PRMT8: variants seen among roughly 807,000 people sequenced by gnomAD.
PRMT8 encodes protein arginine methyltransferase 8, also known as protein arginine N-methyltransferase 8.
Under a neutral mutation model 47.1 loss-of-function variants are expected in PRMT8, and 7 were observed. The observed-to-expected ratio is 0.15, with a 90% CI of 0.08 to 0.28. The LOEUF (loss-of-function observed/expected upper bound fraction) is 0.28, where lower values mean the gene tolerates loss of function less well. Ranked by LOEUF, PRMT8 falls within the 10% of genes least tolerant of loss-of-function variation. The pLI, the probability that PRMT8 is intolerant of heterozygous loss-of-function variation, is 1.00. For missense variants in PRMT8, 237 were observed against 505.4 expected, an observed-to-expected ratio of 0.47 and a Z score of 5.09; for synonymous variants, 188 against 186.5, an observed-to-expected ratio of 1.01 and a Z score of -0.07.
At chr12:3,505,713 C>T (rs561218491) in intron 1 of PRMT8, among the ~76,000 whole-genome samples, 13 of 152,340 alleles carry the variant, frequency 8.5e-5, no homozygotes, top group African/African-American at 3.1e-4. Flanking sequence ...GGAATGCTCT[C>T]TGCTGTTGAC....
chr12:3,483,850 GCTGACTTACAGCCCAGTAGC>G (rs1462706108), intron 1 of PRMT8, among the ~76,000 whole-genome samples: 2 of 152,136 alleles, frequency 1.3e-5, no homozygotes, highest in Non-Finnish European at 2.9e-5. Flanking sequence ...ATGGGGTTAT[GCTGACTTACAGCCCAGTAGC>G]CTGTATTGCT....
chr12:3,388,068 CCTGT>C (rs578128274), intron 1 of PRMT8, among the ~76,000 whole-genome samples: 13 of 151,140 alleles, frequency 8.6e-5, no homozygotes, highest in Non-Finnish European at 1.3e-4. Context: ...TCCCTCCCTC[CCTGT>C]CTGTCTGTCT....
At chr12:3,452,713 T>TGCCTCACCAGGTTGGGCTTCTCAGGTCAG (rs1864933261) in intron 1 of PRMT8, among the ~76,000 whole-genome samples, 1 of 152,200 alleles carries the variant, frequency 6.6e-6, no homozygotes, top group Non-Finnish European at 1.5e-5. Context: ...CCAGGACTTC[T>TGCCTCACCAGGTTGGGCTTCTCAGGTCAG]GCCTCACCAG....
At chr12:3,483,303 C>T (rs1865291928) in intron 1 of PRMT8, among the ~76,000 whole-genome samples, 1 of 152,180 alleles carries the variant, frequency 6.6e-6, no homozygotes, top group Admixed American at 6.5e-5. Context: ...CTCATACTTG[C>T]CTGCAGGGTT....
chr12:3,497,198 C>G (rs1465072233), intron 1 of PRMT8, among the ~76,000 whole-genome samples: 3 of 152,168 alleles, frequency 2.0e-5, no homozygotes, highest in Admixed American at 6.5e-5. Context: ...AAAGCAGCCT[C>G]TGTGTGTGAG....
At chr12:3,496,214 A>ATATATATATATATATATATTTTTTTT in intron 1 of PRMT8, among the ~76,000 whole-genome samples, 2 of 27,764 alleles carry the variant, frequency 7.2e-5, no homozygotes, top group African/African-American at 1.8e-4. Context: ...ATATATATAT[A>ATATATATATATATATATATTTTTTTT]TTTTTTTTTT....
chr12:3,518,090 G>A (rs1865824166), intron 1 of PRMT8, among the ~76,000 whole-genome samples: 1 of 151,752 alleles, frequency 6.6e-6, no homozygotes, highest in Non-Finnish European at 1.5e-5. Flanking sequence ...AAAAGCCCTG[G>A]GATTCCCCAA....
rs1341483175 is a variant in PRMT8 at position 3,456,343 on chromosome 12, G to A, written c.48+74901G>A. On this transcript the variant is annotated intron_variant, in intron 1 of 9. Coordinates refer to the PRMT8 transcript ENST00000452611. The surrounding 1 kb of genome is among the most constrained non-coding windows in gnomAD (Gnocchi z 4.2). ...GTGGAGCTATTAAATAAATGTTCAC[G>A]ACATTTTTCTGGATCGTGGATCCCC... 6.6e-6 allele frequency among the ~76,000 whole-genome samples: 1 copy of A among 152,096 alleles called. No homozygotes were observed. Among genetic ancestry groups the A allele is most frequent in the African/African-American group, 2.4e-5 (1 of 41,384 alleles).
intron 1 of PRMT8, among the ~76,000 whole-genome samples, chr12:3,397,946 A>C (rs969994947): frequency 6.6e-6 from 1 of 152,198 alleles, no homozygotes; most frequent in Non-Finnish European, 1.5e-5. Flanking sequence ...GGAAAAGCGC[A>C]GTATTCGGGT....
chr12:3,553,265 C>T (rs71534222), intron 3 of PRMT8: 4,980 of 275,084 alleles, frequency 0.018, 70 homozygotes, highest in Middle Eastern at 0.04. Context: ...AGGATCATGT[C>T]GAGGGAGGCT....
chr12:3,450,520 C>G (rs1864905118), intron 1 of PRMT8, among the ~76,000 whole-genome samples: 1 of 152,298 alleles, frequency 6.6e-6, no homozygotes, highest in Non-Finnish European at 1.5e-5. Flanking sequence ...TATCATTGGT[C>G]AAATTACTAT....
chr12:3,414,549 T>A (rs58396430), intron 1 of PRMT8, among the ~76,000 whole-genome samples: 2,421 of 152,196 alleles, frequency 0.016, 65 homozygotes, highest in African/African-American at 0.055. Context: ...GTCAGTTGCT[T>A]CTCTCTGGCT....
intron 1 of PRMT8, among the ~76,000 whole-genome samples, chr12:3,419,097 C>T (rs1366002940): frequency 6.6e-6 from 1 of 152,182 alleles, no homozygotes; most frequent in Non-Finnish European, 1.5e-5. Flanking sequence ...AGCACTTCAC[C>T]TCCTCAAATA....
chr12:3,494,283 G>A (rs1339498717), intron 1 of PRMT8, among the ~76,000 whole-genome samples: 1 of 152,156 alleles, frequency 6.6e-6, no homozygotes, highest in South Asian at 2.1e-4. Flanking sequence ...AACTATGATG[G>A]ATAATCCTGT....
intron 2 of PRMT8, among the ~76,000 whole-genome samples, chr12:3,546,772 T>C (rs1391802217): frequency 6.6e-6 from 1 of 152,174 alleles, no homozygotes; most frequent in Non-Finnish European, 1.5e-5. Context: ...ACACAAACTT[T>C]TGCAGAAAAT....
At chr12:3,438,801 A>G (rs1237979053) in intron 1 of PRMT8, among the ~76,000 whole-genome samples, 1 of 152,258 alleles carries the variant, frequency 6.6e-6, no homozygotes, top group East Asian at 1.9e-4. Flanking sequence ...TCATAGAGCT[A>G]AGTATATTCT....
chr12:3,577,652 A>G (rs1348183844), intron 7 of PRMT8, among the ~76,000 whole-genome samples: 1 of 148,194 alleles, frequency 6.7e-6, no homozygotes, highest in Non-Finnish European at 1.5e-5. Flanking sequence ...TCGTAAACTT[A>G]AAACATTAAG....
At chr12:3,475,742 G>A (rs1865205881) in intron 1 of PRMT8, among the ~76,000 whole-genome samples, 1 of 152,110 alleles carries the variant, frequency 6.6e-6, no homozygotes, top group South Asian at 2.1e-4. Flanking sequence ...AGTACCGTGG[G>A]GTGTGGAGGG....
chr12:3,534,133 C>T (rs867853801), intron 1 of PRMT8, among the ~76,000 whole-genome samples: 30 of 152,378 alleles, frequency 2.0e-4, no homozygotes, highest in African/African-American at 6.5e-4. Context: ...TCCCCTCCCA[C>T]TGCGATCCTC....
Sources: gnomAD v4.1 joint callset for allele counts (sites outside exome capture counted in the v4.1 genomes callset) on GRCh38, gnomAD v4.1.1 for gene constraint, Gnocchi (gnomAD v3.1) non-coding constraint, MANE v1.5 for transcripts, NCBI Gene and HGNC (gene_info 2026-07-23, HGNC 2026-07-21) for gene names.